The following ADAMTSL3 variants were observed in gnomAD, a reference collection of about 807,000 sequenced individuals.
The protein encoded by ADAMTSL3 is ADAMTS like 3, also known as ADAMTS-like protein 3.
In ADAMTSL3, 128 loss-of-function variants were observed where a neutral mutation model predicts 201.7. The ratio of observed to expected loss-of-function variants is 0.63; its 90% CI spans 0.55 to 0.73. The LOEUF is 0.73. Among genes scored for constraint, ADAMTSL3 ranks in the 30% least tolerant of loss-of-function variants. ADAMTSL3 has a pLI of 0.00. For missense variants in ADAMTSL3, 1,990 were observed against 2,119.6 expected (o/e 0.94, Z 1.20); for synonymous variants, 738 against 748.4 (o/e 0.99, Z 0.23).
At chr15:83,935,509 A>G (rs1596436866) in intron 17 of ADAMTSL3, among the ~76,000 whole-genome samples, 1 of 151,556 alleles carries the variant, frequency 6.6e-6, no homozygotes, top group Non-Finnish European at 1.5e-5. Context: ...ATGAAAAAAT[A>G]TGAAACCTAA....
chr15:83,703,173 G>A (rs1027148214), intron 2 of ADAMTSL3, among the ~76,000 whole-genome samples: 1 of 152,154 alleles, frequency 6.6e-6, no homozygotes, highest in Non-Finnish European at 1.5e-5. Flanking sequence ...TGGAATGGCT[G>A]TGTTTATCCA....
intron 23 of ADAMTSL3, among the ~76,000 whole-genome samples, chr15:83,994,586 GTTTTTTTTT>G (rs3045402): frequency 7.2e-4 from 36 of 50,230 alleles, no homozygotes; most frequent in African/African-American, 2.1e-3. Flanking sequence ...TTGTTTTTTC[GTTTTTTTTT>G]TTTTTTTTTT....
At chr15:83,844,000 A>G (rs746070177) in intron 7 of ADAMTSL3, among the ~76,000 whole-genome samples, 1 of 152,230 alleles carries the variant, frequency 6.6e-6, no homozygotes, top group Non-Finnish European at 1.5e-5. Context: ...AAAAACAACA[A>G]CAAACATATC....
intron 3 of ADAMTSL3, among the ~76,000 whole-genome samples, chr15:83,765,794 C>T (rs578137674): frequency 6.6e-5 from 10 of 152,216 alleles, no homozygotes; most frequent in Non-Finnish European, 1.3e-4. Flanking sequence ...ATAATTTGAA[C>T]CAAACAACAC....
intron 2 of ADAMTSL3, 93 bp from the exon 3 acceptor site, chr15:83,704,296 T>A (rs753820365): frequency 6.4e-7 from 1 of 1,563,428 alleles, no homozygotes; most frequent in Non-Finnish European, 8.7e-7. Context: ...CAGCTATTAA[T>A]GGTGGATTCT....
chr15:83,814,480 G>A (rs1043294415), intron 5 of ADAMTSL3, among the ~76,000 whole-genome samples: 12 of 152,130 alleles, frequency 7.9e-5, no homozygotes, highest in African/African-American at 1.9e-4. Context: ...TATGGATAAC[G>A]AATTTATTTC....
chr15:83,841,042 C>G (rs1342753452), intron 7 of ADAMTSL3, among the ~76,000 whole-genome samples: 3 of 152,166 alleles, frequency 2.0e-5, no homozygotes, highest in Non-Finnish European at 2.9e-5. Flanking sequence ...TTTTTAAATA[C>G]TGTGTTCTTT....
intron 6 of ADAMTSL3, among the ~76,000 whole-genome samples, chr15:83,834,800 A>C (rs1406789501): frequency 6.6e-6 from 1 of 152,232 alleles, no homozygotes; most frequent in African/African-American, 2.4e-5. Context: ...CTGGCAGTAT[A>C]GAAAATGGTT....
At chr15:83,763,088 C>T (rs542516507) in intron 3 of ADAMTSL3, among the ~76,000 whole-genome samples, 2 of 152,112 alleles carry the variant, frequency 1.3e-5, no homozygotes, top group South Asian at 2.1e-4. Flanking sequence ...GGGGTTTCAC[C>T]GTGTTGGCCA....
chr15:83,957,173 G>A (rs2066878676), intron 19 of ADAMTSL3, among the ~76,000 whole-genome samples: 1 of 152,154 alleles, frequency 6.6e-6, no homozygotes, highest in Non-Finnish European at 1.5e-5. Flanking sequence ...AGACAGAGGG[G>A]TGTTCTAGAG....
At chr15:83,686,017 T>TC (rs34310318) in intron 2 of ADAMTSL3, among the ~76,000 whole-genome samples, 129,802 of 152,036 alleles carry the variant, frequency 0.85, 55,895 homozygotes, top group East Asian at 0.96. Flanking sequence ...CCCTCCTCCT[T>TC]CTCCTGGTCT....
At chr15:83,965,277 C>A (rs531509063) in intron 19 of ADAMTSL3, among the ~76,000 whole-genome samples, 21 of 148,854 alleles carry the variant, frequency 1.4e-4, no homozygotes, top group African/African-American at 5.2e-4. Context: ...TCAGGAGACC[C>A]ATCTCATGTG....
At chr15:83,996,780 C>CAA (rs35758954) in intron 23 of ADAMTSL3, among the ~76,000 whole-genome samples, 1,216 of 33,824 alleles carry the variant, frequency 0.036, 200 homozygotes, top group African/African-American at 0.093. Flanking sequence ...GACTCTGCCT[C>CAA]AAAAAAAAAA....
rs752362345 is a variant in ADAMTSL3, at chr15:83,897,891, C to G, written c.1501C>G (p.Arg501Gly). ...GACTTGTGGCCGAGGGTTACGGTACCGGGTTGTTCTGTGTATTAACCACCG... is the reference window on the plus strand; with the variant it reads ...GACTTGTGGCCGAGGGTTACGGTACGGGGTTGTTCTGTGTATTAACCACCG... ...TVTCGRGLRY[R>G]VVLCINHRGE... is the part of the protein sequence containing the mutation. The change falls in exon 14 of 30, where the codon CGG becomes GGG. Residue 501 changes from arginine (R) to glycine (G), a missense_variant. By Grantham distance (125) the Arg-to-Gly change is moderately radical (BLOSUM62 -2). Coordinates refer to ENST00000286744, the MANE Select transcript of ADAMTSL3 (RefSeq NM_207517.3). 1.2e-6 allele frequency: 2 copies of G among 1,610,658 alleles called. No individual in the cohort carries two copies. The highest frequency in any genetic ancestry group is 2.7e-5 in the African/African-American group (2 of 74,788).
chr15:83,973,987 T>G (rs2067239025), intron 20 of ADAMTSL3, among the ~76,000 whole-genome samples: 4 of 152,190 alleles, frequency 2.6e-5, no homozygotes, highest in African/African-American at 9.6e-5. Context: ...CCAAGTCAGG[T>G]GGGAAAGATG....
At chr15:83,764,851 T>A (rs2062866481) in intron 3 of ADAMTSL3, among the ~76,000 whole-genome samples, 1 of 152,058 alleles carries the variant, frequency 6.6e-6, no homozygotes, top group South Asian at 2.1e-4. Context: ...GCTCAGCATA[T>A]GGGATATGTG....
At position 83,728,063 on chromosome 15, in the gene ADAMTSL3, A is replaced by T. The variant is rs1467449199; in HGVS notation, c.189+23555A>T. Among the ~76,000 whole-genome samples the T allele has an allele frequency of 6.6e-5, 10 of 152,042 alleles. No homozygotes were observed. The South Asian group carries it at 1.9e-3, about 28-fold the overall frequency. The stretch of plus-strand genomic sequence containing the variant: ...GTGTGATCCAGTGTTGGGTGCATAC[A>T]TATTTATAATTGTTATATCCTCTTG... On this transcript the variant is annotated intron_variant, in intron 3 of 29. Coordinates refer to ENST00000286744, the MANE Select transcript of ADAMTSL3 (RefSeq NM_207517.3).
intron 3 of ADAMTSL3, among the ~76,000 whole-genome samples, chr15:83,748,216 T>C (rs1340972617): frequency 1.3e-5 from 2 of 152,168 alleles, no homozygotes; most frequent in East Asian, 3.9e-4. Flanking sequence ...GGAACTATAG[T>C]CTAGCAGGGA....
rs148179116 is a variant in ADAMTSL3, at chr15:83,996,652, G to A, written c.3973+5438G>A. ...AAAAATTAGCTGGGCGTGGTGGTGG[G>A]TGCCTGTAGTCCCAGCTACTTGGGA... On this transcript the variant is annotated intron_variant, in intron 23 of 29. Coordinates refer to ENST00000286744, the MANE Select transcript of ADAMTSL3 (RefSeq NM_207517.3). 3.2e-3 allele frequency among the ~76,000 whole-genome samples: 480 copies of A among 151,636 alleles called. 2 individuals carry two copies. The highest frequency in any genetic ancestry group is 0.011 in the African/African-American group (469 of 41,342).
Sources: allele counts gnomAD v4.1 joint callset (sites outside exome capture counted in the v4.1 genomes callset), GRCh38; gene constraint gnomAD v4.1.1; transcripts MANE v1.5; gene names NCBI Gene and HGNC (gene_info 2026-07-23, HGNC 2026-07-21).